RAPGEF1: variants seen among roughly 807,000 people sequenced by gnomAD.
RAPGEF1 encodes the protein CRK SH3-binding GNRP.
Under a neutral mutation model 143.3 loss-of-function variants are expected in RAPGEF1, and 33 were observed. That is an observed-to-expected ratio of 0.23 (90% CI 0.17 to 0.31). The LOEUF (loss-of-function observed/expected upper bound fraction) is 0.31, where lower values mean the gene tolerates loss of function less well. RAPGEF1 is among the 10% of genes least tolerant of loss of function. The pLI, the probability that RAPGEF1 is intolerant of heterozygous loss-of-function variation, is 1.00. For missense variants in RAPGEF1, 1,199 were observed against 1,645.4 expected (o/e 0.73, Z 4.69); for synonymous variants, 629 against 676.5 (o/e 0.93, Z 1.09).
intron 18 of RAPGEF1, among the ~76,000 whole-genome samples, chr9:131,591,724 C>A (rs1954303996): frequency 6.6e-6 from 1 of 152,214 alleles, no homozygotes; most frequent in Non-Finnish European, 1.5e-5. Context: ...CCGGAGCCGA[C>A]CATGAGGGTC....
At chr9:131,627,687 T>C (rs1463901208) in intron 9 of RAPGEF1, among the ~76,000 whole-genome samples, 1 of 152,260 alleles carries the variant, frequency 6.6e-6, no homozygotes. Flanking sequence ...CTTGAATATC[T>C]AGGCTGTGGT....
At chr9:131,731,489 C>G (rs1837070427) in intron 1 of RAPGEF1, among the ~76,000 whole-genome samples, 1 of 152,202 alleles carries the variant, frequency 6.6e-6, no homozygotes, top group Non-Finnish European at 1.5e-5. Flanking sequence ...GGCTATTTAA[C>G]ACGGTCACAT....
At chr9:131,645,337 C>T (rs546055865) in intron 3 of RAPGEF1, among the ~76,000 whole-genome samples, 3 of 152,178 alleles carry the variant, frequency 2.0e-5, no homozygotes, top group Non-Finnish European at 4.4e-5. Context: ...TGCTGAGGAA[C>T]AGGAAACATT....
chr9:131,706,451 A>G (rs527641594), intron 1 of RAPGEF1, among the ~76,000 whole-genome samples: 49 of 151,794 alleles, frequency 3.2e-4, no homozygotes, highest in Non-Finnish European at 6.2e-4. Context: ...TTTGGTAGAG[A>G]TGGGGTTTCG....
intron 1 of RAPGEF1, among the ~76,000 whole-genome samples, chr9:131,718,608 G>C (rs969022763): frequency 6.6e-6 from 1 of 152,146 alleles, no homozygotes; most frequent in African/African-American, 2.4e-5. Flanking sequence ...TGGGAGAGAG[G>C]AGGCAAGGAC....
intron 3 of RAPGEF1, among the ~76,000 whole-genome samples, chr9:131,648,193 C>A (rs964294086): frequency 1.3e-5 from 2 of 152,160 alleles, no homozygotes; most frequent in African/African-American, 4.8e-5. Flanking sequence ...AGTTTGAGAC[C>A]AGCCTGGCCA....
At position 131,587,798 on chromosome 9, in the gene RAPGEF1, C is replaced by T; in HGVS notation, c.3171G>A (p.Gln1057=). 6.2e-7 allele frequency: 1 copy of T among 1,613,874 alleles called. No individual in the cohort carries two copies. Among genetic ancestry groups the T allele is most frequent in the Non-Finnish European group, 8.5e-7 (1 of 1,179,834 alleles). ...IPEVLLWAKE[Q]NEEKSPNLTQ... ...TCAAGTTGGGGCTCTTCTCCTCATT[C>T]TGCTCTTTTGCCCAAAGCAAAACCT... Residue 1057 remains glutamine (Q), a synonymous_variant, in exon 22 of 27, where the codon CAG becomes CAA. Transcript: ENST00000683357.
chr9:131,698,198 T>A (rs776842689), intron 1 of RAPGEF1, among the ~76,000 whole-genome samples: 3 of 152,334 alleles, frequency 2.0e-5, no homozygotes, highest in Non-Finnish European at 4.4e-5. Flanking sequence ...CCACCCTGAT[T>A]ATGAGATAAT....
At chr9:131,679,917 C>G (rs972633351) in intron 1 of RAPGEF1, among the ~76,000 whole-genome samples, 2 of 152,182 alleles carry the variant, frequency 1.3e-5, no homozygotes, top group African/African-American at 4.8e-5. Flanking sequence ...AAGTGGGAAG[C>G]GAGTCACAGG....
chr9:131,688,013 T>C (rs1471043109), intron 1 of RAPGEF1, among the ~76,000 whole-genome samples: 1 of 152,098 alleles, frequency 6.6e-6, no homozygotes, highest in Non-Finnish European at 1.5e-5. Context: ...CCGGAACCTC[T>C]GAATGAGAAG....
intron 14 of RAPGEF1, among the ~76,000 whole-genome samples, chr9:131,602,747 G>A (rs1956470369): frequency 6.6e-6 from 1 of 152,252 alleles, no homozygotes; most frequent in South Asian, 2.1e-4. Context: ...CCAGCTCTCA[G>A]GCCCTGGGGT....
In RAPGEF1 at chr9:131,628,433, G is replaced by C. The variant is rs140750875; in HGVS notation, c.1017+116C>G. The C allele has an allele frequency of 7.3e-6, 10 of 1,377,516 alleles. No homozygotes were observed. The highest frequency in any genetic ancestry group is 4.9e-6 in the Non-Finnish European group (5 of 1,014,036). The allele number at this position is 1,377,516 out of a possible 1,614,324, so 85.3% of individuals were successfully genotyped here. A position where few individuals can be genotyped will look rare whatever the true frequency, so the allele number is the denominator to read the frequency against. On this transcript the variant is annotated intron_variant, in intron 8 of 26. Transcript: ENST00000683357. This position sits in a 1 kb window ranked among gnomAD's most constrained non-coding sequence, Gnocchi z 5.7. ...ATGGGTACAAGGTCTCGCACTCCTC[G>C]ATGTGACAAACACCAGCGCCTGAAG... is the stretch of plus-strand genomic sequence containing the variant.
At chr9:131,612,688 A>C (rs550256518) in intron 12 of RAPGEF1, among the ~76,000 whole-genome samples, 1 of 152,312 alleles carries the variant, frequency 6.6e-6, no homozygotes, top group South Asian at 2.1e-4. Context: ...TCCTTCCACA[A>C]GACCAGGTCA....
chr9:131,589,874 T>G lies in RAPGEF1; in HGVS notation c.2867+12A>C. 1 of 1,611,546 alleles carries G rather than the reference T, an allele frequency of 6.2e-7. No homozygotes were observed. The highest frequency in any genetic ancestry group is 8.5e-7 in the Non-Finnish European group (1 of 1,177,940). On this transcript the variant is annotated intron_variant, in intron 19 of 26. Coordinates refer to ENST00000683357, the MANE Select transcript of RAPGEF1 (RefSeq NM_001377935.1). The stretch of plus-strand genomic sequence containing the variant: ...CCACTGGCCCCCAGGACCCCAAGGG[T>G]GAAGCACTCACCAGAGCTCATCCAC...
At chr9:131,714,159 G>A (rs543097942) in intron 1 of RAPGEF1, among the ~76,000 whole-genome samples, 2 of 151,924 alleles carry the variant, frequency 1.3e-5, no homozygotes, top group African/African-American at 2.4e-5. Context: ...TGGACTCCAG[G>A]AGGAATGATA....
rs544569955 is a variant in RAPGEF1, at chr9:131,717,640, G to A, written c.61+22130C>T. Among the ~76,000 whole-genome samples the A allele has an allele frequency of 3.7e-4, 57 of 152,086 alleles. No homozygotes were observed. In the South Asian group the frequency reaches 0.012, roughly 31 times the overall value. On this transcript the variant is annotated intron_variant, in intron 1 of 26. Coordinates refer to ENST00000683357, the MANE Select transcript of RAPGEF1 (RefSeq NM_001377935.1). ...CACAAGATATTAGCGAGGCATGGTG[G>A]TGCATGCCTGTAATCCCAGCTACCG...
Position 131,739,625 on chromosome 9 carries a change from G to A in RAPGEF1, c.61+145C>T, listed in dbSNP as rs577288322. 296 of 502,332 alleles carry A rather than the reference G, an allele frequency of 5.9e-4. 1 individual carries two copies. Among genetic ancestry groups the A allele is most frequent in the African/African-American group, 5.7e-3 (275 of 47,952 alleles). The allele number at this position is 502,332 out of a possible 1,614,324, so 31.1% of individuals were successfully genotyped here. A position where few individuals can be genotyped will look rare whatever the true frequency, so the allele number is the denominator to read the frequency against. On this transcript the variant is annotated intron_variant, in intron 1 of 26. Transcript: ENST00000683357. ...ATGGGCCTGGAGGAGAAGCTGCCAG[G>A]CGCCCCGGCGAGGCCTCGGTGGCTT...
At chr9:131,617,687 A>G (rs1959208467) in intron 12 of RAPGEF1, among the ~76,000 whole-genome samples, 1 of 152,236 alleles carries the variant, frequency 6.6e-6, no homozygotes, top group South Asian at 2.1e-4. Flanking sequence ...TTCTAAGCTT[A>G]CTACATACCT....
intron 1 of RAPGEF1, among the ~76,000 whole-genome samples, chr9:131,726,782 C>T (rs553930898): frequency 7.2e-5 from 11 of 152,064 alleles, no homozygotes; most frequent in East Asian, 1.9e-4. Context: ...CGTGTTAAAA[C>T]GCACAAAACT....
Sources: gnomAD v4.1 joint callset for allele counts (sites outside exome capture counted in the v4.1 genomes callset) on GRCh38, gnomAD v4.1.1 for gene constraint, Gnocchi (gnomAD v3.1) non-coding constraint, MANE v1.5 for transcripts, NCBI Gene and HGNC (gene_info 2026-07-23, HGNC 2026-07-21) for gene names.